C12orf75: variants seen among roughly 807,000 people sequenced by gnomAD.
The protein encoded by C12orf75 is overexpressed in colon carcinoma 1 protein.
A neutral mutation model predicts 11.4 loss-of-function variants in C12orf75; 4 were observed. The ratio of observed to expected loss-of-function variants is 0.35; its 90% CI spans 0.17 to 0.80. The LOEUF (loss-of-function observed/expected upper bound fraction) is 0.80. Among genes scored for constraint, C12orf75 ranks in the 30% least tolerant of loss-of-function variants. The probability of loss-of-function intolerance (pLI) is 0.52; values close to 1 mark genes in which losing one functional copy is unlikely to be tolerated. For synonymous variants in C12orf75, 30 were observed against 30.0 expected (o/e 1.00, Z 0.00); for missense variants, 89 against 80.4 (o/e 1.11, Z -0.41).
At chr12:105,361,744 G>T (rs1328037148) in intron 2 of C12orf75, among the ~76,000 whole-genome samples, 1 of 152,182 alleles carries the variant, frequency 6.6e-6, no homozygotes, top group African/African-American at 2.4e-5. Context: ...CAGGTAGGAT[G>T]CTGTGTCCCT....
chr12:105,364,193 T>A lies in C12orf75; in HGVS notation c.72-1614T>A, dbSNP rs545228179. Among the ~76,000 whole-genome samples, 8 of 152,312 alleles carry A rather than the reference T, an allele frequency of 5.3e-5. No homozygotes were observed. The East Asian group carries it at 1.5e-3, about 29-fold the overall frequency. On this transcript the variant is annotated intron_variant, in intron 2 of 5. Coordinates refer to ENST00000443585, the MANE Select transcript of C12orf75 (RefSeq NM_001145199.2). ...CTTATCAGAACTTACCTTGAACGAG[T>A]TTGTCCTCATCATTTCTCCATTATC...
chr12:105,348,418 CAAA>C (rs35593271), intron 1 of C12orf75, among the ~76,000 whole-genome samples, 181 bp from the exon 2 acceptor site: 24 of 116,088 alleles, frequency 2.1e-4, no homozygotes, highest in Non-Finnish European at 2.0e-4. Flanking sequence ...GTATCTGAAA[CAAA>C]AAAAAAAAAA....
At chr12:105,366,090 G>T in intron 3 of C12orf75, 2 of 480,654 alleles carry the variant, frequency 4.2e-6, no homozygotes, top group South Asian at 3.2e-5. Context: ...ATGACCTTTG[G>T]GTGTGCTCTT....
chr12:105,333,197 T>C (rs149944873), intron 1 of C12orf75, among the ~76,000 whole-genome samples: 1 of 152,326 alleles, frequency 6.6e-6, no homozygotes, highest in Non-Finnish European at 1.5e-5. Flanking sequence ...TGCCTGTGAG[T>C]CCACCTGGCT....
intron 2 of C12orf75, among the ~76,000 whole-genome samples, chr12:105,354,145 G>A (rs954344120): frequency 1.8e-4 from 28 of 152,170 alleles, no homozygotes; most frequent in Non-Finnish European, 3.7e-4. Flanking sequence ...TGTCTTCTGA[G>A]GGTGAAGAGG....
intron 1 of C12orf75, among the ~76,000 whole-genome samples, chr12:105,333,593 G>C (rs572666361): frequency 4.6e-5 from 7 of 152,228 alleles, no homozygotes; most frequent in Admixed American, 3.9e-4. Flanking sequence ...GTGAGCTTAA[G>C]CTTAGGTTTG....
At chr12:105,332,337 C>A (rs1332433272) in intron 1 of C12orf75, among the ~76,000 whole-genome samples, 2 of 152,084 alleles carry the variant, frequency 1.3e-5, no homozygotes, top group Non-Finnish European at 2.9e-5. Context: ...AGCAGATTTC[C>A]CTTAAAATGA....
chr12:105,346,570 G>A (rs1172281852), intron 1 of C12orf75, among the ~76,000 whole-genome samples: 1 of 152,074 alleles, frequency 6.6e-6, no homozygotes, highest in African/African-American at 2.4e-5. Flanking sequence ...TGATTCTAAA[G>A]TAGTTTACAT....
chr12:105,355,176 TTTTC>T (rs1315901819), intron 2 of C12orf75, among the ~76,000 whole-genome samples: 2,151 of 135,410 alleles, frequency 0.016, 104 homozygotes, highest in African/African-American at 0.025. Flanking sequence ...TTCTTTTTCT[TTTTC>T]TTTTTTTTTT....
At position 105,366,063 on chromosome 12, in the gene C12orf75, G is replaced by A. The variant is rs908302238; in HGVS notation, c.107+221G>A. The A allele has an allele frequency of 4.0e-5, 22 of 549,840 alleles. No homozygotes were observed. In the Middle Eastern group the frequency reaches 1.8e-3, roughly 45 times the overall value. The allele number at this position is 549,840 out of a possible 1,614,324, so 34.1% of individuals were successfully genotyped here. ...GGTTTTTGTCCTATGCATGTGGCGT[G>A]TGCTAATTTTCATCCTATGACCTTT... On this transcript the variant is annotated intron_variant, in intron 3 of 5. Transcript: ENST00000443585.
At chr12:105,351,243 A>G (rs1486089701) in intron 2 of C12orf75, among the ~76,000 whole-genome samples, 1 of 152,150 alleles carries the variant, frequency 6.6e-6, no homozygotes, top group Non-Finnish European at 1.5e-5. Context: ...TTTTTTTAAA[A>G]TCTAAACAGA....
chr12:105,339,371 A>G (rs1301171021), intron 1 of C12orf75, among the ~76,000 whole-genome samples: 2 of 148,868 alleles, frequency 1.3e-5, no homozygotes, highest in African/African-American at 5.0e-5. Flanking sequence ...CTGAAAGAAG[A>G]GTGCTTTTTA....
chr12:105,358,965 T>TGGG (rs1275875129), intron 2 of C12orf75, among the ~76,000 whole-genome samples: 1 of 152,208 alleles, frequency 6.6e-6, no homozygotes, highest in Non-Finnish European at 1.5e-5. Flanking sequence ...TCCCTTCCCT[T>TGGG]GGGTCTTCCT....
intron 2 of C12orf75, among the ~76,000 whole-genome samples, chr12:105,355,327 G>A (rs1434734380): frequency 1.3e-5 from 2 of 151,984 alleles, no homozygotes; most frequent in South Asian, 2.1e-4. Flanking sequence ...ATGTCACCAC[G>A]CCCAGCTGAT....
chr12:105,355,133 G>A (rs1160674188), intron 2 of C12orf75, among the ~76,000 whole-genome samples: 2 of 151,632 alleles, frequency 1.3e-5, no homozygotes, highest in East Asian at 3.9e-4. Context: ...TATGAGGTGA[G>A]AGGTTGGATG....
At chr12:105,349,472 G>A (rs1892683873) in intron 2 of C12orf75, among the ~76,000 whole-genome samples, 1 of 152,206 alleles carries the variant, frequency 6.6e-6, no homozygotes, top group South Asian at 2.1e-4. Context: ...ATGGGCAGAG[G>A]TTTGATCTTC....
intron 2 of C12orf75, among the ~76,000 whole-genome samples, chr12:105,365,450 CCTGT>C (rs1245138782): frequency 1.3e-5 from 2 of 152,262 alleles, no homozygotes; most frequent in Admixed American, 1.3e-4. Context: ...TCGCCCACAG[CCTGT>C]CTGTCACACA....
rs960286443 is a variant in C12orf75 at position 105,370,645 on chromosome 12, G to C, written c.*45G>C. 1.3e-5 allele frequency: 6 copies of C among 457,478 alleles called. No individual in the cohort carries two copies. The highest frequency in any genetic ancestry group is 1.2e-4 in the African/African-American group (6 of 50,042). The allele number at this position is 457,478 out of a possible 1,614,324, so 28.3% of individuals were successfully genotyped here. A position where few individuals can be genotyped will look rare whatever the true frequency, so the allele number is the denominator to read the frequency against. ...TGTTGTCTCCTTAGCTTGCTCATCA[G>C]TTTGGAAGGAATTTGGCTCCGTGGG... On this transcript the variant is annotated 3_prime_UTR_variant, in exon 6 of 6. Coordinates refer to ENST00000443585, the MANE Select transcript of C12orf75 (RefSeq NM_001145199.2).
chr12:105,343,963 G>A (rs1320386346), intron 1 of C12orf75, among the ~76,000 whole-genome samples: 2 of 152,074 alleles, frequency 1.3e-5, no homozygotes, highest in Non-Finnish European at 2.9e-5. Flanking sequence ...TTCAAATGAG[G>A]GCCATTTTAG....
Sources: gnomAD v4.1 joint callset for allele counts (sites outside exome capture counted in the v4.1 genomes callset) on GRCh38, gnomAD v4.1.1 for gene constraint, MANE v1.5 for transcripts, NCBI Gene and HGNC (gene_info 2026-07-23, HGNC 2026-07-21) for gene names.